Variants in XYLT1 observed in about 807,000 individuals in gnomAD.
XYLT1 encodes the protein xylosyltransferase 1, also known as beta-D-xylosyltransferase 1.
Under a neutral mutation model 91.3 loss-of-function variants are expected in XYLT1, and 36 were observed. The ratio of observed to expected loss-of-function variants is 0.39; its 90% confidence interval spans 0.30 to 0.52. XYLT1 has a LOEUF of 0.52. XYLT1 is among the 20% of genes least tolerant of loss of function. The pLI, the probability that XYLT1 is intolerant of heterozygous loss-of-function variation, is 0.68. For synonymous variants in XYLT1, 588 were observed against 532.0 expected (o/e 1.11, Z -1.45); for missense variants, 1,242 against 1,284.5 (o/e 0.97, Z 0.51).
chr16:17,468,615 G>C (rs1420976033), intron 1 of XYLT1, among the ~76,000 whole-genome samples: 1 of 152,196 alleles, frequency 6.6e-6, no homozygotes, highest in Non-Finnish European at 1.5e-5. Flanking sequence ...ACTGAGCCGA[G>C]CACACAGAGA....
At chr16:17,337,955 T>G (rs1300249359) in intron 2 of XYLT1, among the ~76,000 whole-genome samples, 4 of 152,008 alleles carry the variant, frequency 2.6e-5, no homozygotes, top group Non-Finnish European at 5.9e-5. Flanking sequence ...TTTTGTATTT[T>G]TAGTAGAAAC....
At position 17,138,418 on chromosome 16, in the gene XYLT1, G is replaced by C; in HGVS notation, c.1701C>G (p.His567Gln). 1 of 1,614,202 alleles carries C rather than the reference G, an allele frequency of 6.2e-7. No homozygotes were observed. The highest frequency in any genetic ancestry group is 8.5e-7 in the Non-Finnish European group (1 of 1,180,038). The change falls in exon 8 of 12, where the codon CAC becomes CAG. Residue 567 changes from histidine to glutamine, a missense_variant. Physicochemically the swap from His to Gln is conservative, Grantham distance 24 (BLOSUM62 0). Coordinates refer to ENST00000261381, the MANE Select transcript of XYLT1 (RefSeq NM_022166.4). ...GGGAGCAGCCGCACCAGTCCACGATGTGCTTGTACTGGCACTTGCAGCCCA... is the reference window on the plus strand; with the variant it reads ...GGGAGCAGCCGCACCAGTCCACGATCTGCTTGTACTGGCACTTGCAGCCCA... ...RKLGCKCQYK[H>Q]IVDWCGCSPN...
chr16:17,375,706 G>C (rs1197374714), intron 1 of XYLT1, among the ~76,000 whole-genome samples: 2 of 152,218 alleles, frequency 1.3e-5, no homozygotes, highest in African/African-American at 2.4e-5. Context: ...ACATGCTCCT[G>C]GGCCCTCGTG....
intron 2 of XYLT1, among the ~76,000 whole-genome samples, chr16:17,317,545 G>T (rs2034653827): frequency 6.8e-6 from 1 of 147,404 alleles, no homozygotes; most frequent in East Asian, 2.0e-4. Context: ...TGGGAGGATG[G>T]CTTGAGCCCA....
intron 3 of XYLT1, among the ~76,000 whole-genome samples, chr16:17,220,887 T>C (rs2032955504): frequency 6.6e-6 from 1 of 152,186 alleles, no homozygotes; most frequent in African/African-American, 2.4e-5. Context: ...CGCCTTTGCT[T>C]GTTTATGTCC....
intron 1 of XYLT1, among the ~76,000 whole-genome samples, chr16:17,370,873 G>A (rs552895242): frequency 5.3e-5 from 8 of 152,310 alleles, no homozygotes; most frequent in African/African-American, 1.9e-4. Context: ...CTGGAAAGCA[G>A]CTATCTCCCT....
At chr16:17,320,062 A>G (rs2034693639) in intron 2 of XYLT1, among the ~76,000 whole-genome samples, 1 of 152,166 alleles carries the variant, frequency 6.6e-6, no homozygotes, top group African/African-American at 2.4e-5. Flanking sequence ...GCCATCCTAC[A>G]TAACATAGCC....
At chr16:17,341,929 G>T (rs961080569) in intron 2 of XYLT1, among the ~76,000 whole-genome samples, 2 of 152,122 alleles carry the variant, frequency 1.3e-5, no homozygotes, top group Non-Finnish European at 1.5e-5. Flanking sequence ...TCCCCTAACA[G>T]ATTACAACAT....
chr16:17,186,174 G>T (rs964771488), intron 5 of XYLT1, among the ~76,000 whole-genome samples: 4 of 152,116 alleles, frequency 2.6e-5, no homozygotes, highest in Admixed American at 2.6e-4. Context: ...CGCGATCTCG[G>T]CTCACTGCAA....
chr16:17,403,125 C>G (rs924612699), intron 1 of XYLT1, among the ~76,000 whole-genome samples: 1 of 152,172 alleles, frequency 6.6e-6, no homozygotes, highest in African/African-American at 2.4e-5. Flanking sequence ...TGGTAATAAG[C>G]CAGCCACAGC....
chr16:17,385,295 C>T (rs906797795), intron 1 of XYLT1, among the ~76,000 whole-genome samples: 1 of 151,352 alleles, frequency 6.6e-6, no homozygotes, highest in African/African-American at 2.4e-5. Flanking sequence ...CACACACACA[C>T]ACACACACAC....
chr16:17,184,185 CTTTTTT>C (rs71390593), intron 5 of XYLT1, among the ~76,000 whole-genome samples: 2 of 107,488 alleles, frequency 1.9e-5, no homozygotes, highest in Admixed American at 2.2e-4. Context: ...TAAAAGACGG[CTTTTTT>C]TTTTTTTTTT....
intron 2 of XYLT1, among the ~76,000 whole-genome samples, chr16:17,332,883 T>C (rs569242165): frequency 2.0e-5 from 3 of 152,200 alleles, no homozygotes; most frequent in Admixed American, 6.5e-5. Context: ...AACCTCCGCC[T>C]TTCCGTGTGT....
chr16:17,280,449 C>T (rs2034040575), intron 2 of XYLT1, among the ~76,000 whole-genome samples: 1 of 152,124 alleles, frequency 6.6e-6, no homozygotes, highest in Admixed American at 6.5e-5. Context: ...TTTCCTAATA[C>T]AAATATGTGT....
intron 1 of XYLT1, among the ~76,000 whole-genome samples, chr16:17,424,537 G>A (rs760855734): frequency 8.5e-5 from 13 of 152,184 alleles, no homozygotes; most frequent in Non-Finnish European, 1.8e-4. Context: ...CATGACCGGG[G>A]AGTGTTATGT....
intron 1 of XYLT1, among the ~76,000 whole-genome samples, chr16:17,443,979 C>G (rs1255264943): frequency 6.6e-6 from 1 of 152,192 alleles, no homozygotes. Context: ...GACCCCTCTT[C>G]CTTTCCCCCA....
At chr16:17,201,172 T>TTA (rs2032534639) in intron 3 of XYLT1, among the ~76,000 whole-genome samples, 1 of 152,216 alleles carries the variant, frequency 6.6e-6, no homozygotes, top group Non-Finnish European at 1.5e-5. Context: ...CTGCTGCCTA[T>TTA]TAATACAATG....
At chr16:17,138,673 C>A in intron 7 of XYLT1, 142 bp from the exon 8 acceptor site, 3 of 951,068 alleles carry the variant, frequency 3.2e-6, no homozygotes, top group Non-Finnish European at 4.6e-6. Flanking sequence ...AGAAGCTGGG[C>A]GGCTTCCTGT....
chr16:17,335,545 C>T (rs1486345259), intron 2 of XYLT1, among the ~76,000 whole-genome samples: 1 of 151,898 alleles, frequency 6.6e-6, no homozygotes, highest in East Asian at 1.9e-4. Flanking sequence ...ACAAAATTAG[C>T]GGGGCATGGT....
Sources: allele counts gnomAD v4.1 joint callset (sites outside exome capture counted in the v4.1 genomes callset), GRCh38; gene constraint gnomAD v4.1.1; transcripts MANE v1.5; gene names NCBI Gene and HGNC (gene_info 2026-07-23, HGNC 2026-07-21).